Variants in PJA2 observed in about 807,000 individuals in gnomAD.
The protein encoded by PJA2 is E3 ubiquitin-protein ligase Praja-2.
A neutral mutation model predicts 69.3 loss-of-function variants in PJA2; 25 were observed. That is an observed-to-expected ratio of 0.36 (90% CI 0.26 to 0.50). The LOEUF (loss-of-function observed/expected upper bound fraction) is 0.50. Ranked by LOEUF, PJA2 falls within the 20% of genes least tolerant of loss-of-function variation. The pLI is 0.96. For synonymous variants in PJA2, 308 were observed against 277.8 expected, an observed-to-expected ratio of 1.11 and a Z score of -1.08; for missense variants, 809 against 830.2, an observed-to-expected ratio of 0.97 and a Z score of 0.31.
At chr5:109,390,995 G>C (rs962250386) in intron 1 of PJA2, among the ~76,000 whole-genome samples, 1 of 152,104 alleles carries the variant, frequency 6.6e-6, no homozygotes, top group Non-Finnish European at 1.5e-5. Flanking sequence ...TCAAACTACA[G>C]ATGCTCCTGG....
intron 1 of PJA2, among the ~76,000 whole-genome samples, chr5:109,407,505 T>A (rs1200919931): frequency 6.6e-6 from 1 of 152,212 alleles, no homozygotes; most frequent in African/African-American, 2.4e-5. Context: ...CCATGTTTGT[T>A]GTTAGCTATC....
At chr5:109,366,652 A>C (rs1034082709) in intron 5 of PJA2, among the ~76,000 whole-genome samples, 3 of 149,358 alleles carry the variant, frequency 2.0e-5, no homozygotes, top group Non-Finnish European at 4.5e-5. Flanking sequence ...TCCTACTACA[A>C]TGTAAGCTTC....
chr5:109,343,296 AGAAAGAAAG>A (rs1762113350), intron 9 of PJA2, among the ~76,000 whole-genome samples: 1 of 53,140 alleles, frequency 1.9e-5, no homozygotes. Context: ...AAAAAAAGAA[AGAAAGAAAG>A]AAAGAAAAAA....
At position 109,369,395 on chromosome 5, in the gene PJA2, TC is replaced by T. The variant is rs147984735; in HGVS notation, c.1284-650del. Among the ~76,000 whole-genome samples the T allele has an allele frequency of 2.1e-3, 326 of 152,344 alleles. 2 individuals are homozygous for T. Among genetic ancestry groups the T allele is most frequent in the African/African-American group, 7.2e-3 (298 of 41,586 alleles). On this transcript the variant is annotated intron_variant, in intron 4 of 9. Transcript: ENST00000361189. Reference sequence around the variant, plus strand: ...TTATGGAATATATCACTTTACTTTTTCTTACACTACATCCATGGTACCTAGA... The same window carrying T: ...TTATGGAATATATCACTTTACTTTTTTTACACTACATCCATGGTACCTAGA...
chr5:109,354,522 GATATCTATA>G (rs1762372444), intron 7 of PJA2, among the ~76,000 whole-genome samples: 1 of 44,056 alleles, frequency 2.3e-5, no homozygotes, highest in African/African-American at 1.1e-4. Flanking sequence ...ATCGATATTA[GATATCTATA>G]ATATCTATAG....
intron 1 of PJA2, among the ~76,000 whole-genome samples, chr5:109,407,218 A>C (rs1478511781): frequency 6.6e-6 from 1 of 152,206 alleles, no homozygotes; most frequent in East Asian, 1.9e-4. Context: ...ATCCTCAATA[A>C]GGTTGATTTT....
intron 9 of PJA2, among the ~76,000 whole-genome samples, chr5:109,339,826 A>G (rs893614645): frequency 6.6e-6 from 1 of 152,240 alleles, no homozygotes; most frequent in Non-Finnish European, 1.5e-5. Context: ...TAAAAACACT[A>G]GAGGTTGGTA....
chr5:109,399,103 T>C (rs1268914854), intron 1 of PJA2, among the ~76,000 whole-genome samples: 1 of 150,152 alleles, frequency 6.7e-6, no homozygotes, highest in Non-Finnish European at 1.5e-5. Flanking sequence ...CCCAGCTGCT[T>C]GGGAGGCTGA....
At chr5:109,349,238 A>T (rs1246646997) in intron 7 of PJA2, among the ~76,000 whole-genome samples, 1 of 152,230 alleles carries the variant, frequency 6.6e-6, no homozygotes, top group Non-Finnish European at 1.5e-5. Context: ...TTGCTCCACA[A>T]ATCCATATTC....
chr5:109,381,832 C>G (rs1444519796), intron 2 of PJA2, 129 bp from the exon 3 acceptor site: 3 of 710,990 alleles, frequency 4.2e-6, no homozygotes, highest in Admixed American at 2.8e-5. Flanking sequence ...ATGAAGTGTA[C>G]CTTACTAGTA....
chr5:109,381,459 C>T (rs1561358492), intron 3 of PJA2, 44 bp downstream of exon 3: 1 of 1,530,492 alleles, frequency 6.5e-7, no homozygotes. Context: ...AGATCAATTC[C>T]TATATAACTA....
intron 1 of PJA2, 55 bp downstream of exon 1, chr5:109,409,787 C>G (rs1020171392): frequency 6.5e-6 from 1 of 155,020 alleles, no homozygotes; most frequent in African/African-American, 2.4e-5. Context: ...CCCCGACCCC[C>G]ACACTCCCGA....
intron 6 of PJA2, among the ~76,000 whole-genome samples, chr5:109,361,045 T>C (rs1459487709): frequency 5.3e-5 from 8 of 152,042 alleles, no homozygotes; most frequent in Non-Finnish European, 2.9e-5. Flanking sequence ...GGAAAATCAC[T>C]TGAACCCGGG....
At chr5:109,406,689 T>C (rs1222047209) in intron 1 of PJA2, among the ~76,000 whole-genome samples, 1 of 152,124 alleles carries the variant, frequency 6.6e-6, no homozygotes, top group Non-Finnish European at 1.5e-5. Context: ...AAAAAAAAGA[T>C]GTTCACAAAA....
chr5:109,364,163 G>C (rs1467252598), intron 5 of PJA2, among the ~76,000 whole-genome samples: 1 of 151,616 alleles, frequency 6.6e-6, no homozygotes, highest in South Asian at 2.1e-4. Context: ...AACAAAAAAG[G>C]ACTCATCAAC....
intron 3 of PJA2, among the ~76,000 whole-genome samples, chr5:109,380,121 T>C (rs1261331735): frequency 8.1e-6 from 1 of 122,712 alleles, no homozygotes; most frequent in Non-Finnish European, 1.6e-5. Context: ...TGAGACGGAG[T>C]CTTGCTCTGT....
intron 5 of PJA2, among the ~76,000 whole-genome samples, chr5:109,365,521 T>A (rs995074809): frequency 6.6e-6 from 1 of 152,204 alleles, no homozygotes; most frequent in Non-Finnish European, 1.5e-5. Flanking sequence ...AAGCTGGTTA[T>A]AATGGTTTTT....
In PJA2 at chr5:109,344,799, C is replaced by A. The variant is rs749760081; in HGVS notation, c.1785G>T (p.Glu595Asp). ...CCACCTCAACATCCACTGCAAGAGA[C>A]TCTAAATGGGCCAGAGCAGTCTGAA... ...QAMETALAHL[E>D]SLAVDVEVAN... Residue 595 changes from glutamate to aspartate, a missense_variant, in exon 8 of 10, where the codon GAG (glutamate) becomes GAT (aspartate). By Grantham distance (45) the Glu-to-Asp change is conservative. Around this residue, in one of 4 missense-constraint regions of PJA2, gnomAD observed 55 missense variants for 90.7 expected, o/e 0.61. Transcript: ENST00000361189. The A allele has an allele frequency of 6.2e-7, 1 of 1,613,552 alleles. No homozygotes were observed. The highest frequency in any genetic ancestry group is 8.5e-7 in the Non-Finnish European group (1 of 1,179,620).
At chr5:109,339,824 C>T (rs1429764910) in intron 9 of PJA2, among the ~76,000 whole-genome samples, 2 of 152,170 alleles carry the variant, frequency 1.3e-5, no homozygotes, top group Non-Finnish European at 2.9e-5. Flanking sequence ...TATAAAAACA[C>T]TAGAGGTTGG....
Sources: allele counts gnomAD v4.1 joint callset (sites outside exome capture counted in the v4.1 genomes callset), GRCh38; gene constraint gnomAD v4.1.1; regional missense constraint gnomAD v4.1.1; transcripts MANE v1.5; gene names NCBI Gene and HGNC (gene_info 2026-07-23, HGNC 2026-07-21).